PTPRM: variants seen among roughly 807,000 people sequenced by gnomAD.
PTPRM encodes the protein receptor-type tyrosine-protein phosphatase mu.
In PTPRM, 47 loss-of-function variants were observed where a neutral mutation model predicts 186.7. The observed-to-expected ratio is 0.25, with a 90% CI of 0.20 to 0.32. The LOEUF is 0.32. PTPRM is among the 10% of genes least tolerant of loss of function. PTPRM has a pLI of 1.00. For missense variants in PTPRM, 1,494 were observed against 1,865.0 expected, an observed-to-expected ratio of 0.80 and a Z score of 3.66; for synonymous variants, 668 against 674.9, an observed-to-expected ratio of 0.99 and a Z score of 0.16.
At chr18:8,331,799 C>A (rs1279253236) in intron 22 of PTPRM, among the ~76,000 whole-genome samples, 1 of 152,152 alleles carries the variant, frequency 6.6e-6, no homozygotes, top group Admixed American at 6.5e-5. Flanking sequence ...AAACTGTAGA[C>A]AAACATAGGT....
intron 23 of PTPRM, among the ~76,000 whole-genome samples, chr18:8,348,292 G>A (rs1239111746): frequency 6.6e-6 from 1 of 152,244 alleles, no homozygotes; most frequent in Non-Finnish European, 1.5e-5. Context: ...TCTGCATTAG[G>A]CGGCCCTAAT....
chr18:7,738,839 G>T (rs1213261174), intron 1 of PTPRM, among the ~76,000 whole-genome samples: 1 of 152,178 alleles, frequency 6.6e-6, no homozygotes, highest in Non-Finnish European at 1.5e-5. Flanking sequence ...CCGGCTGCAG[G>T]TGTTGCAGTT....
intron 5 of PTPRM, among the ~76,000 whole-genome samples, chr18:7,942,282 C>CAA (rs201157673): frequency 9.5e-5 from 9 of 94,242 alleles, no homozygotes; most frequent in East Asian, 3.1e-4. Context: ...GACTCCGTCT[C>CAA]AAAAAAAAAA....
intron 4 of PTPRM, among the ~76,000 whole-genome samples, chr18:7,920,130 G>T (rs2050777128): frequency 1.3e-5 from 2 of 152,056 alleles, no homozygotes; most frequent in South Asian, 2.1e-4. Context: ...TTGTGTCTTG[G>T]TTTTTTATAT....
intron 7 of PTPRM, among the ~76,000 whole-genome samples, chr18:7,961,992 T>G (rs79805126): frequency 1.4e-5 from 1 of 70,828 alleles, no homozygotes; most frequent in Non-Finnish European, 3.6e-5. Flanking sequence ...CAGTAATAGC[T>G]ATCATATCTG....
chr18:7,779,847 A>T (rs1247254610), intron 2 of PTPRM, among the ~76,000 whole-genome samples: 1 of 152,202 alleles, frequency 6.6e-6, no homozygotes, highest in Non-Finnish European at 1.5e-5. Flanking sequence ...ATTGTTTTAG[A>T]TGCCTGAGAT....
At chr18:8,116,508 A>G (rs928752950) in intron 13 of PTPRM, among the ~76,000 whole-genome samples, 1 of 152,172 alleles carries the variant, frequency 6.6e-6, no homozygotes, top group Admixed American at 6.5e-5. Flanking sequence ...TTCTTTCACC[A>G]TTGCTCATGG....
At chr18:7,929,263 C>A (rs1336828928) in intron 5 of PTPRM, among the ~76,000 whole-genome samples, 2 of 152,150 alleles carry the variant, frequency 1.3e-5, no homozygotes, top group Admixed American at 1.3e-4. Flanking sequence ...CTCAGTTTGA[C>A]CCCAACGTTT....
chr18:8,339,441 C>T (rs919103705), intron 22 of PTPRM, among the ~76,000 whole-genome samples: 1 of 152,120 alleles, frequency 6.6e-6, no homozygotes, highest in African/African-American at 2.4e-5. Flanking sequence ...TGCAGTGGCT[C>T]CCCCCCAGCC....
chr18:7,876,653 A>G (rs1028200562), intron 2 of PTPRM, among the ~76,000 whole-genome samples: 5 of 152,092 alleles, frequency 3.3e-5, no homozygotes, highest in African/African-American at 1.2e-4. Context: ...TCTAGCCTGG[A>G]CCTGCCCCCG....
chr18:8,228,216 C>T (rs771831862), intron 14 of PTPRM, among the ~76,000 whole-genome samples: 1 of 152,050 alleles, frequency 6.6e-6, no homozygotes, highest in Non-Finnish European at 1.5e-5. Flanking sequence ...CAGAGGAGCC[C>T]AGCTGAAGAC....
intron 7 of PTPRM, among the ~76,000 whole-genome samples, chr18:7,969,271 C>T (rs1424031867): frequency 7.2e-6 from 1 of 138,888 alleles, no homozygotes; most frequent in African/African-American, 2.8e-5. Flanking sequence ...AGAACAAAGA[C>T]ACCACATACC....
chr18:8,031,384 T>C (rs750311831), intron 7 of PTPRM, among the ~76,000 whole-genome samples: 3 of 152,138 alleles, frequency 2.0e-5, no homozygotes, highest in Admixed American at 6.5e-5. Context: ...TCAAGTTTGA[T>C]AGGGACATCA....
chr18:7,946,384 G>A (rs752015303), intron 5 of PTPRM, among the ~76,000 whole-genome samples: 8 of 152,172 alleles, frequency 5.3e-5, no homozygotes, highest in Non-Finnish European at 8.8e-5. Context: ...GGCCTCTTTG[G>A]TTGTTGTTAG....
intron 26 of PTPRM, 117 bp downstream of exon 26, chr18:8,376,714 C>A: frequency 1.6e-6 from 2 of 1,250,804 alleles, no homozygotes; most frequent in Non-Finnish European, 2.2e-6. Context: ...AGTGATCTAC[C>A]TGGCATTCCC....
chr18:7,796,539 A>T (rs2043659653), intron 2 of PTPRM, among the ~76,000 whole-genome samples: 1 of 152,200 alleles, frequency 6.6e-6, no homozygotes, highest in Admixed American at 6.5e-5. Context: ...AGCAGGGTAC[A>T]GCAGTGTCAC....
chr18:7,687,348 C>G (rs2039626124), intron 1 of PTPRM, among the ~76,000 whole-genome samples: 1 of 151,972 alleles, frequency 6.6e-6, no homozygotes, highest in African/African-American at 2.4e-5. Flanking sequence ...CAGGGAAATT[C>G]AAATATGATA....
intron 4 of PTPRM, among the ~76,000 whole-genome samples, 188 bp downstream of exon 4, chr18:7,906,771 T>C (rs1386189258): frequency 6.6e-6 from 1 of 152,206 alleles, no homozygotes; most frequent in African/African-American, 2.4e-5. Context: ...CCATGGTTTG[T>C]ATAAGTCTTT....
intron 20 of PTPRM, among the ~76,000 whole-genome samples, chr18:8,313,992 A>C (rs2095289174): frequency 6.6e-6 from 1 of 152,204 alleles, no homozygotes; most frequent in African/African-American, 2.4e-5. Context: ...TTCTGAAAAA[A>C]ATTAAGGTAA....
Sources: gnomAD v4.1 joint callset for allele counts (sites outside exome capture counted in the v4.1 genomes callset) on GRCh38, gnomAD v4.1.1 for gene constraint, MANE v1.5 for transcripts, NCBI Gene and HGNC (gene_info 2026-07-23, HGNC 2026-07-21) for gene names.